RHOJ: variants seen among roughly 807,000 people sequenced by gnomAD.
RHOJ encodes the protein ras homolog family member J.
In RHOJ, 11 loss-of-function variants were observed where a neutral mutation model predicts 23.4. That is an observed-to-expected ratio of 0.47 (90% CI 0.30 to 0.78). The LOEUF (loss-of-function observed/expected upper bound fraction) is 0.78, where lower values mean the gene tolerates loss of function less well. Ranked by LOEUF, RHOJ falls within the 30% of genes least tolerant of loss-of-function variation. The pLI is 0.08. For synonymous variants in RHOJ, 102 were observed against 102.7 expected (o/e 0.99, Z 0.04); for missense variants, 254 against 273.4 (o/e 0.93, Z 0.50).
At chr14:63,260,328 G>A (rs1895250432) in intron 1 of RHOJ, among the ~76,000 whole-genome samples, 1 of 152,154 alleles carries the variant, frequency 6.6e-6, no homozygotes, top group Non-Finnish European at 1.5e-5. Flanking sequence ...CTCCACTGCA[G>A]CAGACCTATT....
chr14:63,286,457 G>C (rs923654239), intron 4 of RHOJ, among the ~76,000 whole-genome samples: 8 of 152,286 alleles, frequency 5.3e-5, no homozygotes, highest in African/African-American at 1.9e-4. Context: ...GGTCTGGGGA[G>C]GGCATAAAAT....
intron 2 of RHOJ, among the ~76,000 whole-genome samples, chr14:63,273,019 A>C (rs902391103): frequency 1.3e-5 from 2 of 152,188 alleles, no homozygotes; most frequent in Non-Finnish European, 2.9e-5. Flanking sequence ...GCAAAACTCC[A>C]TCTCAAAAAA....
At position 63,292,990 on chromosome 14, in the gene RHOJ, C is replaced by T. The variant is rs1249116962; in HGVS notation, c.*1966C>T. The T allele has an allele frequency of 6.6e-6, 1 of 151,690 alleles. No homozygotes were observed. Among genetic ancestry groups the T allele is most frequent in the African/African-American group, 2.4e-5 (1 of 41,236 alleles). 9.4% of individuals were successfully genotyped at this position (151,690 alleles called of 1,614,324 possible). On this transcript the variant is annotated 3_prime_UTR_variant, in exon 5 of 5. Transcript: ENST00000316754. ...AACCTACATTTCAAGTACTATTTCCCTTCTCTCCCATCTAATTGCTAAAGA... is the reference window on the plus strand; with the variant it reads ...AACCTACATTTCAAGTACTATTTCCTTTCTCTCCCATCTAATTGCTAAAGA...
At position 63,283,237 on chromosome 14, in the gene RHOJ, C is replaced by T. The variant is rs377715570; in HGVS notation, c.498+21C>T. ...AAGCGGTACAGTCAGATTTGAATTT[C>T]ATTTTAAATGTATGCTGAGAGAAGA... On this transcript the variant is annotated intron_variant, in intron 4 of 4. Transcript: ENST00000316754. 87 of 1,568,140 alleles carry T rather than the reference C, an allele frequency of 5.5e-5. No homozygotes were observed. The African/African-American group carries it at 1.1e-3, about 19-fold the overall frequency.
At chr14:63,227,648 G>A (rs555752558) in intron 1 of RHOJ, among the ~76,000 whole-genome samples, 35 of 152,200 alleles carry the variant, frequency 2.3e-4, no homozygotes, top group Non-Finnish European at 4.0e-4. Flanking sequence ...TAAATGTACC[G>A]ACCATCCAAA....
intron 1 of RHOJ, among the ~76,000 whole-genome samples, chr14:63,241,074 A>G (rs17824443): frequency 0.38 from 58,204 of 152,182 alleles, 15,292 homozygotes; most frequent in African/African-American, 0.74. Context: ...AAAGACATCC[A>G]GAAAATCCCT....
intron 1 of RHOJ, among the ~76,000 whole-genome samples, chr14:63,246,464 T>C (rs1884093): frequency 0.38 from 57,638 of 152,072 alleles, 15,025 homozygotes; most frequent in African/African-American, 0.74. Context: ...TGTTCTATTC[T>C]CAGCTCCAAC....
chr14:63,268,882 C>G (rs998611798), intron 1 of RHOJ, among the ~76,000 whole-genome samples: 1 of 152,206 alleles, frequency 6.6e-6, no homozygotes, highest in Non-Finnish European at 1.5e-5. Context: ...TAATATCCAT[C>G]TCTTTTGAGA....
At chr14:63,225,347 G>A (rs890558278) in intron 1 of RHOJ, among the ~76,000 whole-genome samples, 3 of 152,096 alleles carry the variant, frequency 2.0e-5, no homozygotes, top group African/African-American at 7.2e-5. Flanking sequence ...TTCCAGGAGA[G>A]GGTTATATTT....
At chr14:63,270,711 C>T (rs1895453305) in intron 2 of RHOJ, among the ~76,000 whole-genome samples, 1 of 152,182 alleles carries the variant, frequency 6.6e-6, no homozygotes. Context: ...GGAGTTTATA[C>T]CCTCTTGCCT....
At chr14:63,235,001 T>A (rs902222726) in intron 1 of RHOJ, among the ~76,000 whole-genome samples, 1 of 152,188 alleles carries the variant, frequency 6.6e-6, no homozygotes, top group African/African-American at 2.4e-5. Flanking sequence ...AATACTGTTA[T>A]GTTTCCTGCC....
intron 4 of RHOJ, among the ~76,000 whole-genome samples, chr14:63,285,540 A>G (rs1310619109): frequency 1.3e-5 from 2 of 152,128 alleles, no homozygotes; most frequent in Non-Finnish European, 2.9e-5. Flanking sequence ...TTTTATTTTC[A>G]AAGGACATTT....
intron 4 of RHOJ, chr14:63,284,260 T>C (rs896391084): frequency 1.0e-6 from 1 of 985,274 alleles, no homozygotes; most frequent in Non-Finnish European, 1.2e-6. Flanking sequence ...AATACAATCA[T>C]GTTTTTACAG....
rs572019658 is a variant in RHOJ at position 63,267,663 on chromosome 14, C to T, written c.179-1447C>T. Among the ~76,000 whole-genome samples the T allele has an allele frequency of 2.6e-5, 4 of 152,354 alleles. No individual in the cohort carries two copies. The South Asian group carries it at 8.3e-4, about 32-fold the overall frequency. ...GAGGAAAAATTAAACAGGACAAGAG[C>T]TCTGGGCCACACAGCCTCACCTCCA... is the stretch of plus-strand genomic sequence containing the variant. On this transcript the variant is annotated intron_variant, in intron 1 of 4. Coordinates refer to ENST00000316754, the MANE Select transcript of RHOJ (RefSeq NM_020663.5).
At chr14:63,261,866 C>A (rs1895278999) in intron 1 of RHOJ, among the ~76,000 whole-genome samples, 1 of 152,186 alleles carries the variant, frequency 6.6e-6, no homozygotes, top group Non-Finnish European at 1.5e-5. Flanking sequence ...CCTATATTCG[C>A]ATGAAAGCTG....
chr14:63,241,961 G>T (rs1894891226), intron 1 of RHOJ, among the ~76,000 whole-genome samples: 1 of 152,188 alleles, frequency 6.6e-6, no homozygotes, highest in Non-Finnish European at 1.5e-5. Flanking sequence ...AAATGCTTTG[G>T]TGGTAAGTCC....
intron 1 of RHOJ, among the ~76,000 whole-genome samples, chr14:63,244,564 G>C (rs895572160): frequency 6.6e-6 from 1 of 152,082 alleles, no homozygotes; most frequent in African/African-American, 2.4e-5. Context: ...GGCAACAAGA[G>C]CAAAACTCTG....
intron 1 of RHOJ, among the ~76,000 whole-genome samples, chr14:63,250,301 GT>G (rs2139639534): frequency 1.3e-5 from 2 of 152,236 alleles, no homozygotes; most frequent in South Asian, 4.1e-4. Flanking sequence ...CTGGAGTACA[GT>G]GGCCCGAACA....
intron 2 of RHOJ, 95 bp downstream of exon 2, chr14:63,269,263 T>C: frequency 1.2e-6 from 1 of 830,384 alleles, no homozygotes; most frequent in East Asian, 2.5e-5. Flanking sequence ...GCACAGATAT[T>C]ACCCATTCTG....
Sources: gnomAD v4.1 joint callset for allele counts (sites outside exome capture counted in the v4.1 genomes callset) on GRCh38, gnomAD v4.1.1 for gene constraint, MANE v1.5 for transcripts, NCBI Gene and HGNC (gene_info 2026-07-23, HGNC 2026-07-21) for gene names.